DGKI: variants seen among roughly 807,000 people sequenced by gnomAD.
DGKI encodes DAG kinase iota.
A neutral mutation model predicts 147.5 loss-of-function variants in DGKI; 55 were observed. The observed-to-expected ratio is 0.37, with a 90% CI of 0.30 to 0.47. DGKI has a LOEUF of 0.47. Ranked by LOEUF, DGKI falls within the 20% of genes least tolerant of loss-of-function variation. DGKI has a pLI of 1.00. For synonymous variants in DGKI, 469 were observed against 477.1 expected (o/e 0.98, Z 0.22); for missense variants, 1,007 against 1,323.8 (o/e 0.76, Z 3.71).
intron 6 of DGKI, among the ~76,000 whole-genome samples, chr7:137,638,968 A>G (rs1821522376): frequency 6.6e-6 from 1 of 152,092 alleles, no homozygotes; most frequent in African/African-American, 2.4e-5. Context: ...TGGCATCCAA[A>G]TATGAGGTGC....
In DGKI at chr7:137,572,941, C is replaced by G. The variant is rs1419151537; in HGVS notation, c.1762-103G>C. Reference sequence around the variant, plus strand: ...ATAGTACACACCATGGTCTCTTTCTCCTTGCCCTATCTCTGCTTAAGTGAA... The same window carrying G: ...ATAGTACACACCATGGTCTCTTTCTGCTTGCCCTATCTCTGCTTAAGTGAA... On this transcript the variant is annotated intron_variant, in intron 17 of 32. Transcript: ENST00000614521. 7.8e-6 allele frequency: 6 copies of G among 766,490 alleles called. No individual in the cohort carries two copies. In the East Asian group the frequency reaches 1.5e-4, roughly 20 times the overall value. 47.5% of individuals were successfully genotyped at this position (766,490 alleles called of 1,614,324 possible). A position where few individuals can be genotyped will look rare whatever the true frequency, so the allele number is the denominator to read the frequency against.
chr7:137,628,043 T>C (rs562785286), intron 6 of DGKI, among the ~76,000 whole-genome samples: 1 of 152,094 alleles, frequency 6.6e-6, no homozygotes, highest in South Asian at 2.1e-4. Flanking sequence ...AAGGAGTGCT[T>C]TTATTGCCAA....
chr7:137,765,901 G>A (rs1012102049), intron 1 of DGKI, among the ~76,000 whole-genome samples: 1 of 152,146 alleles, frequency 6.6e-6, no homozygotes, highest in Non-Finnish European at 1.5e-5. Flanking sequence ...TATGTTCCTA[G>A]GAGAAGTCAC....
chr7:137,469,732 C>A, intron 23 of DGKI, 113 bp from the exon 24 acceptor site: 1 of 840,820 alleles, frequency 1.2e-6, no homozygotes. Context: ...AAGAGCAAAT[C>A]ACATTTTTTT....
At chr7:137,613,743 G>T (rs148448442) in intron 8 of DGKI, among the ~76,000 whole-genome samples, 71 of 152,218 alleles carry the variant, frequency 4.7e-4, no homozygotes, top group African/African-American at 1.6e-3. Flanking sequence ...TATATCCACA[G>T]CATGGGATAC....
chr7:137,650,541 G>A (rs1821988268), intron 5 of DGKI, among the ~76,000 whole-genome samples: 1 of 152,160 alleles, frequency 6.6e-6, no homozygotes. Flanking sequence ...GAGGTAAGGT[G>A]TTTGAAAGGT....
At chr7:137,784,552 A>G (rs1416722541) in intron 1 of DGKI, among the ~76,000 whole-genome samples, 1 of 152,196 alleles carries the variant, frequency 6.6e-6, no homozygotes, top group Non-Finnish European at 1.5e-5. Flanking sequence ...CACTGACAGC[A>G]CTAGACAGGT....
At chr7:137,821,590 C>G (rs1797899813) in intron 1 of DGKI, among the ~76,000 whole-genome samples, 1 of 151,276 alleles carries the variant, frequency 6.6e-6, no homozygotes, top group Non-Finnish European at 1.5e-5. Context: ...TACTTTTAGC[C>G]CAGCTCTCTC....
chr7:137,816,536 T>C (rs1442349503), intron 1 of DGKI, among the ~76,000 whole-genome samples: 1 of 152,226 alleles, frequency 6.6e-6, no homozygotes, highest in African/African-American at 2.4e-5. Flanking sequence ...TATTGAACTT[T>C]TCCATGCATT....
intron 15 of DGKI, among the ~76,000 whole-genome samples, 175 bp from the exon 16 acceptor site, chr7:137,578,500 C>A (rs1404867162): frequency 6.6e-6 from 1 of 152,208 alleles, no homozygotes; most frequent in African/African-American, 2.4e-5. Flanking sequence ...CCCAGTGCTA[C>A]AGGGACAGTA....
At chr7:137,459,368 GA>G (rs1245877548) in intron 27 of DGKI, among the ~76,000 whole-genome samples, 17 of 152,052 alleles carry the variant, frequency 1.1e-4, no homozygotes, top group Admixed American at 3.9e-4. Context: ...ATGATATGGG[GA>G]AAGCCTTGCA....
At position 137,846,379 on chromosome 7, in the gene DGKI, C is replaced by T; in HGVS notation, c.401+83G>A. 1.0e-6 allele frequency: 1 copy of T among 965,902 alleles called. No homozygotes were observed. Among genetic ancestry groups the T allele is most frequent in the Non-Finnish European group, 1.4e-6 (1 of 703,006 alleles). 59.8% of individuals were successfully genotyped at this position (965,902 alleles called of 1,614,324 possible). ...CGTGGAAACAGAGAGGTGCCCAACT[C>T]CGCGGAAGCGCCCCTTGCTGGGTAG... is the stretch of plus-strand genomic sequence containing the variant. On this transcript the variant is annotated intron_variant, in intron 1 of 32. Coordinates refer to ENST00000614521, the MANE Select transcript of DGKI (RefSeq NM_001321708.2). The surrounding 1 kb of genome is among the most constrained non-coding windows in gnomAD (Gnocchi z 4.0).
chr7:137,449,860 T>C (rs1813882041), intron 27 of DGKI, among the ~76,000 whole-genome samples: 1 of 152,048 alleles, frequency 6.6e-6, no homozygotes, highest in Admixed American at 6.6e-5. Context: ...CAATTACCAA[T>C]AGCCAAGATA....
At chr7:137,627,450 T>G (rs1820982723) in intron 6 of DGKI, among the ~76,000 whole-genome samples, 1 of 152,222 alleles carries the variant, frequency 6.6e-6, no homozygotes, top group African/African-American at 2.4e-5. Context: ...AAAAAGTTGC[T>G]GCTATTCTGT....
At chr7:137,407,803 A>G (rs1188480476) in intron 30 of DGKI, 72 bp downstream of exon 30, 1 of 1,576,048 alleles carries the variant, frequency 6.3e-7, no homozygotes, top group Non-Finnish European at 8.7e-7. Flanking sequence ...GATGAAGGGT[A>G]ACTTAGAAAA....
At position 137,846,161 on chromosome 7, in the gene DGKI, TCACACACA is replaced by T. The variant is rs58484819; in HGVS notation, c.401+293_401+300del. Among the ~76,000 whole-genome samples the T allele has an allele frequency of 9.5e-3, 1,027 of 108,124 alleles. 15 individuals carry two copies. Among genetic ancestry groups the T allele is most frequent in the African/African-American group, 0.037 (952 of 25,904 alleles). 70.9% of individuals were successfully genotyped at this position (108,124 alleles called of 152,430 possible). A position where few individuals can be genotyped will look rare whatever the true frequency, so the allele number is the denominator to read the frequency against. Reference sequence around the variant, plus strand: ...CTCTCTCTCTCTCTCTCTCTCTCTCTCACACACACACACACACACACACACACACACAC... The same window carrying T: ...CTCTCTCTCTCTCTCTCTCTCTCTCTCACACACACACACACACACACACAC... On this transcript the variant is annotated intron_variant, in intron 1 of 32. Transcript: ENST00000614521. This position sits in a 1 kb window ranked among gnomAD's most constrained non-coding sequence, Gnocchi z 4.0.
rs140710942 is a variant in DGKI, at chr7:137,781,974, G to T, written c.401+64488C>A. ...TGTCAATTAAGATGGTGGATAGGAGGCAGGAATAGCTTGCAGCTCCTGCTC... is the reference window on the plus strand; with the variant it reads ...TGTCAATTAAGATGGTGGATAGGAGTCAGGAATAGCTTGCAGCTCCTGCTC... On this transcript the variant is annotated intron_variant, in intron 1 of 32. Transcript: ENST00000614521. Among the ~76,000 whole-genome samples the T allele has an allele frequency of 1.0e-2, 1,522 of 152,284 alleles. 21 individuals are homozygous for T. Among genetic ancestry groups the T allele is most frequent in the African/African-American group, 0.027 (1,142 of 41,538 alleles).
chr7:137,839,837 G>C (rs1798494707), intron 1 of DGKI, among the ~76,000 whole-genome samples: 2 of 152,154 alleles, frequency 1.3e-5, no homozygotes, highest in Admixed American at 6.5e-5. Context: ...GAAATCTAAA[G>C]GCAAATTTCC....
At chr7:137,722,639 A>G in intron 1 of DGKI, 1 of 1,589,438 alleles carries the variant, frequency 6.3e-7, no homozygotes, top group Non-Finnish European at 8.6e-7. Flanking sequence ...GCTTACTTCA[A>G]GAAGAAGAAG....
Sources: gnomAD v4.1 joint callset for allele counts (sites outside exome capture counted in the v4.1 genomes callset) on GRCh38, gnomAD v4.1.1 for gene constraint, Gnocchi (gnomAD v3.1) non-coding constraint, MANE v1.5 for transcripts, NCBI Gene and HGNC (gene_info 2026-07-23, HGNC 2026-07-21) for gene names.